Variants in RBFOX1 observed in about 807,000 individuals in gnomAD.
RBFOX1 encodes the protein RNA binding protein fox-1 homolog 1.
A neutral mutation model predicts 57.7 loss-of-function variants in RBFOX1; 8 were observed. That is an observed-to-expected ratio of 0.14 (90% CI 0.08 to 0.25). The LOEUF (loss-of-function observed/expected upper bound fraction) is 0.25. Among genes scored for constraint, RBFOX1 ranks in the 10% least tolerant of loss-of-function variants. The pLI, the probability that RBFOX1 is intolerant of heterozygous loss-of-function variation, is 1.00. For synonymous variants in RBFOX1, 326 were observed against 222.4 expected (o/e 1.47, Z -4.15); for missense variants, 611 against 548.5 (o/e 1.11, Z -1.14).
At position 6,254,325 on chromosome 16, in the gene RBFOX1, T is replaced by C. The variant is rs369010953; in HGVS notation, c.-126-62670T>C. 2.2e-4 allele frequency among the ~76,000 whole-genome samples: 33 copies of C among 152,128 alleles called. 2 individuals are homozygous for C. Among genetic ancestry groups the C allele is most frequent in the Admixed American group, 9.2e-4 (14 of 15,256 alleles). On this transcript the variant is annotated intron_variant, in intron 1 of 15. Transcript: ENST00000550418. Reference sequence around the variant, plus strand: ...TGTTTATCAACAATATAAATATCTATCTACATAAGTGATTGTTTTTATCAA... The same window carrying C: ...TGTTTATCAACAATATAAATATCTACCTACATAAGTGATTGTTTTTATCAA...
At chr16:7,571,995 C>T (rs1266393863) in intron 5 of RBFOX1, among the ~76,000 whole-genome samples, 1 of 152,168 alleles carries the variant, frequency 6.6e-6, no homozygotes, top group African/African-American at 2.4e-5. Context: ...GGCTTGGTGG[C>T]ACATGCCTGT....
intron 4 of RBFOX1, among the ~76,000 whole-genome samples, chr16:7,434,444 C>T (rs1598348293): frequency 6.6e-6 from 1 of 151,690 alleles, no homozygotes; most frequent in Non-Finnish European, 1.5e-5. Flanking sequence ...TGCACTCCAG[C>T]CCGGGCGACA....
At chr16:5,268,589 T>A (rs957679229) in intron 1 of RBFOX1, among the ~76,000 whole-genome samples, 1 of 152,250 alleles carries the variant, frequency 6.6e-6, no homozygotes, top group Admixed American at 6.5e-5. Flanking sequence ...ATTTTTTTTA[T>A]GAGCAACTGA....
intron 3 of RBFOX1, among the ~76,000 whole-genome samples, chr16:5,788,095 C>T (rs2054566828): frequency 6.6e-6 from 1 of 152,300 alleles, no homozygotes; most frequent in African/African-American, 2.4e-5. Context: ...GTGAGCCCTT[C>T]TTCCTAGGCG....
At chr16:5,650,802 A>G (rs1596589584) in intron 3 of RBFOX1, among the ~76,000 whole-genome samples, 1 of 152,076 alleles carries the variant, frequency 6.6e-6, no homozygotes, top group African/African-American at 2.4e-5. Flanking sequence ...ACAGACGGAC[A>G]CAGTCTTTGT....
At chr16:7,038,614 C>G (rs1184572635) in intron 3 of RBFOX1, among the ~76,000 whole-genome samples, 1 of 152,080 alleles carries the variant, frequency 6.6e-6, no homozygotes, top group Non-Finnish European at 1.5e-5. Context: ...TCTTCATGGC[C>G]AGGGGCTGCC....
At chr16:5,992,905 C>T (rs537258436) in intron 4 of RBFOX1, among the ~76,000 whole-genome samples, 1 of 152,244 alleles carries the variant, frequency 6.6e-6, no homozygotes, top group South Asian at 2.1e-4. Flanking sequence ...CCATTGCACT[C>T]CAGCCTGGGT....
At chr16:7,004,820 GCTGTTGGAAC>G in intron 3 of RBFOX1, among the ~76,000 whole-genome samples, 1 of 152,264 alleles carries the variant, frequency 6.6e-6, no homozygotes, top group Admixed American at 6.5e-5. Flanking sequence ...GGCTGGGTCA[GCTGTTGGAAC>G]CTGTTGGGAC....
intron 5 of RBFOX1, among the ~76,000 whole-genome samples, chr16:7,521,105 C>G (rs1555546087): frequency 6.6e-6 from 1 of 152,112 alleles, no homozygotes; most frequent in African/African-American, 2.4e-5. Flanking sequence ...AACGTGTAGT[C>G]TGAGAGCATT....
chr16:6,855,483 C>G (rs934791942), intron 3 of RBFOX1, among the ~76,000 whole-genome samples: 2 of 151,882 alleles, frequency 1.3e-5, no homozygotes, highest in Non-Finnish European at 2.9e-5. Context: ...AACCCCGTCT[C>G]TACTAAAAAT....
At chr16:7,231,801 A>G (rs1438067824) in intron 4 of RBFOX1, among the ~76,000 whole-genome samples, 1 of 152,206 alleles carries the variant, frequency 6.6e-6, no homozygotes, top group Non-Finnish European at 1.5e-5. Flanking sequence ...ACCCAGAATC[A>G]AAAGACCACA....
chr16:7,174,237 A>T (rs1174665746), intron 4 of RBFOX1, among the ~76,000 whole-genome samples: 4 of 152,096 alleles, frequency 2.6e-5, no homozygotes, highest in African/African-American at 7.2e-5. Context: ...ATGTGGATGC[A>T]TGTATCACTA....
At chr16:6,652,638 G>A (rs750138121) in intron 2 of RBFOX1, among the ~76,000 whole-genome samples, 4 of 152,190 alleles carry the variant, frequency 2.6e-5, no homozygotes, top group Admixed American at 6.5e-5. Context: ...AACTTCAGTC[G>A]TTGAAGTCAC....
chr16:7,402,661 T>C (rs1256808008), intron 4 of RBFOX1, among the ~76,000 whole-genome samples: 1 of 152,204 alleles, frequency 6.6e-6, no homozygotes, highest in African/African-American at 2.4e-5. Flanking sequence ...CCTCTGTTAA[T>C]TATGCTGTTT....
intron 4 of RBFOX1, among the ~76,000 whole-genome samples, chr16:7,344,147 C>G (rs1238517043): frequency 1.6e-5 from 2 of 122,306 alleles, no homozygotes; most frequent in Non-Finnish European, 3.2e-5. Flanking sequence ...CTACTCTGAA[C>G]TGCAGTTTTC....
At chr16:7,369,538 G>C (rs1429836316) in intron 4 of RBFOX1, among the ~76,000 whole-genome samples, 5 of 152,156 alleles carry the variant, frequency 3.3e-5, no homozygotes, top group South Asian at 2.1e-4. Context: ...GGTTCTAGCT[G>C]ATTAAAATGA....
At chr16:6,421,884 A>G (rs1016973011) in intron 2 of RBFOX1, among the ~76,000 whole-genome samples, 2 of 143,610 alleles carry the variant, frequency 1.4e-5, no homozygotes, top group African/African-American at 5.2e-5. Context: ...CTGTGGTCCC[A>G]TTTCCTGGTC....
chr16:7,450,554 C>T (rs1183530232), intron 4 of RBFOX1, among the ~76,000 whole-genome samples: 1 of 152,016 alleles, frequency 6.6e-6, no homozygotes, highest in Admixed American at 6.6e-5. Context: ...ATACTATGGC[C>T]CAGGGATGCT....
intron 4 of RBFOX1, among the ~76,000 whole-genome samples, chr16:7,451,784 G>T (rs1567234544): frequency 1.3e-5 from 2 of 149,238 alleles, no homozygotes; most frequent in Admixed American, 6.9e-5. Flanking sequence ...ATTTGTGTCA[G>T]CTTCAGCTGA....
Sources: allele counts gnomAD v4.1 joint callset (sites outside exome capture counted in the v4.1 genomes callset), GRCh38; gene constraint gnomAD v4.1.1; transcripts MANE v1.5; gene names NCBI Gene and HGNC (gene_info 2026-07-23, HGNC 2026-07-21).